The following ANK2 variants were observed in gnomAD, a reference collection of about 807,000 sequenced individuals.
ANK2 encodes the protein ankyrin 2.
In ANK2, 83 loss-of-function variants were observed where a neutral mutation model predicts 360.5. The observed-to-expected ratio is 0.23, with a 90% CI of 0.19 to 0.28. The LOEUF (loss-of-function observed/expected upper bound fraction) is 0.28. Ranked by LOEUF, ANK2 falls within the 10% of genes least tolerant of loss-of-function variation. The probability of loss-of-function intolerance (pLI) is 1.00; values close to 1 mark genes in which losing one functional copy is unlikely to be tolerated. For synonymous variants in ANK2, 1,740 were observed against 1,759.5 expected, an observed-to-expected ratio of 0.99 and a Z score of 0.28; for missense variants, 4,201 against 4,795.7, an observed-to-expected ratio of 0.88 and a Z score of 3.66.
chr4:113,323,750 C>G (rs1181565076), intron 26 of ANK2: 1 of 1,610,920 alleles, frequency 6.2e-7, no homozygotes, highest in Non-Finnish European at 8.5e-7. Context: ...AGTATCTATT[C>G]TGTTGCAGCC....
At chr4:112,749,497 G>A in the ANK2 span, among the ~76,000 whole-genome samples, 1 of 152,092 alleles carries the variant, frequency 6.6e-6, no homozygotes, top group Non-Finnish European at 1.5e-5. Flanking sequence ...GAAAATGTAT[G>A]GAAACTCATG....
chr4:113,179,556 T>C (rs1287125512), intron 2 of ANK2, among the ~76,000 whole-genome samples: 2 of 152,248 alleles, frequency 1.3e-5, no homozygotes, highest in African/African-American at 4.8e-5. Context: ...TCATTTTTCT[T>C]TTTTAAATGA....
chr4:113,122,458 C>T (rs1351484410), intron 1 of ANK2, among the ~76,000 whole-genome samples: 1 of 152,144 alleles, frequency 6.6e-6, no homozygotes, highest in Non-Finnish European at 1.5e-5. Flanking sequence ...TTCTAGAACT[C>T]TACAAACATG....
Position 113,357,687 on chromosome 4 carries a change from A to C in ANK2, c.9069A>C (p.Thr3023=). 1 of 1,614,180 alleles carries C rather than the reference A, an allele frequency of 6.2e-7. No homozygotes were observed. Among genetic ancestry groups the C allele is most frequent in the South Asian group, 1.1e-5 (1 of 91,088 alleles). ...SSFEPTMSAT[T]TVVGEQISKV... ...TCGAGCCTACTATGTCCGCTACAAC[A>C]ACAGTTGTTGGTGAACAAATAAGCA... is the stretch of plus-strand genomic sequence containing the variant. The change falls in exon 38 of 46, where the codon ACA becomes ACC. Residue 3023 remains threonine (T), a synonymous_variant. Coordinates refer to ENST00000357077, the MANE Select transcript of ANK2 (RefSeq NM_001148.6).
chr4:113,319,972 A>G (rs1240928998), intron 26 of ANK2, among the ~76,000 whole-genome samples: 3 of 152,360 alleles, frequency 2.0e-5, no homozygotes, highest in South Asian at 4.1e-4. Context: ...AGATGGTTTT[A>G]GGTAAAATGT....
chr4:113,318,914 T>C (rs2084450246), intron 26 of ANK2, among the ~76,000 whole-genome samples: 1 of 152,238 alleles, frequency 6.6e-6, no homozygotes, highest in African/African-American at 2.4e-5. Context: ...CTTCCTACTA[T>C]TCACGTACTG....
At chr4:112,945,223 T>A (rs1337768664) in intron 2 of ANK2, among the ~76,000 whole-genome samples, 1 of 152,022 alleles carries the variant, frequency 6.6e-6, no homozygotes, top group Non-Finnish European at 1.5e-5. Context: ...TGTGAAAGAG[T>A]TCTCCCTAGA....
At chr4:112,844,877 A>T (rs2062938501) in intron 1 of ANK2, among the ~76,000 whole-genome samples, 1 of 152,192 alleles carries the variant, frequency 6.6e-6, no homozygotes, top group African/African-American at 2.4e-5. Flanking sequence ...TAGAACCAGA[A>T]TCAATGAGAA....
the ANK2 span, among the ~76,000 whole-genome samples, chr4:112,769,540 G>T: frequency 6.6e-6 from 1 of 152,096 alleles, no homozygotes; most frequent in Non-Finnish European, 1.5e-5. Context: ...TTCTTCCTCA[G>T]AAATAGAATC....
chr4:112,974,757 G>C (rs958316122), intron 2 of ANK2, among the ~76,000 whole-genome samples: 2 of 151,792 alleles, frequency 1.3e-5, no homozygotes, highest in Admixed American at 1.3e-4. Context: ...TTTCTGTAGA[G>C]AACTTGCATT....
At chr4:112,714,022 G>T in the ANK2 span, among the ~76,000 whole-genome samples, 1 of 151,956 alleles carries the variant, frequency 6.6e-6, no homozygotes, top group Non-Finnish European at 1.5e-5. Flanking sequence ...ATGAATTAGA[G>T]TTCTTATTGC....
chr4:113,251,623 C>T (rs979563406), intron 10 of ANK2, among the ~76,000 whole-genome samples: 2 of 151,586 alleles, frequency 1.3e-5, no homozygotes, highest in African/African-American at 2.4e-5. Context: ...GCTGGAACTA[C>T]AGGCGCCCAC....
intron 2 of ANK2, among the ~76,000 whole-genome samples, chr4:112,936,757 C>G (rs1047701988): frequency 2.6e-5 from 4 of 152,084 alleles, no homozygotes; most frequent in Non-Finnish European, 5.9e-5. Context: ...TTCCAAACTA[C>G]TATACCAATA....
chr4:112,825,337 TAA>T (rs137982278), intron 1 of ANK2, among the ~76,000 whole-genome samples: 4 of 149,012 alleles, frequency 2.7e-5, no homozygotes, highest in East Asian at 1.9e-4. Context: ...TAAAGGATAA[TAA>T]AAAAAAAATT....
the ANK2 span, among the ~76,000 whole-genome samples, chr4:112,706,309 C>G: frequency 6.6e-6 from 1 of 152,146 alleles, no homozygotes; most frequent in African/African-American, 2.4e-5. Flanking sequence ...GGCGGCTCCC[C>G]TAGGAGCGGG....
intron 4 of ANK2, among the ~76,000 whole-genome samples, chr4:113,215,253 C>T (rs975924482): frequency 1.3e-5 from 2 of 152,062 alleles, no homozygotes; most frequent in Non-Finnish European, 2.9e-5. Context: ...ATTTGTGTGA[C>T]CTTGGGCTTA....
intron 2 of ANK2, among the ~76,000 whole-genome samples, chr4:113,035,559 T>G (rs2061416571): frequency 1.3e-5 from 2 of 151,940 alleles, no homozygotes. Context: ...TTATAGATAT[T>G]CGAGTAAAAT....
At chr4:112,732,629 T>C in the ANK2 span, among the ~76,000 whole-genome samples, 3 of 152,070 alleles carry the variant, frequency 2.0e-5, no homozygotes. Context: ...CCCAGAGAGG[T>C]GTTCTCTCCT....
chr4:113,298,846 A>G (rs1376424009), intron 22 of ANK2, among the ~76,000 whole-genome samples: 1 of 152,216 alleles, frequency 6.6e-6, no homozygotes, highest in Admixed American at 6.5e-5. Flanking sequence ...TTTATGTTTA[A>G]ATAATCAAGT....
Sources: allele counts gnomAD v4.1 joint callset (sites outside exome capture counted in the v4.1 genomes callset), GRCh38; gene constraint gnomAD v4.1.1; transcripts MANE v1.5; gene names NCBI Gene and HGNC (gene_info 2026-07-23, HGNC 2026-07-21).